The following PCDH19 variants were observed in gnomAD, a reference collection of about 807,000 sequenced individuals.
PCDH19 encodes the protein protocadherin 19, also known as protocadherin-19.
PCDH19 carries 6 observed loss-of-function variants against 46.2 expected under a neutral mutation model. The observed-to-expected ratio is 0.13, with a 90% confidence interval of 0.07 to 0.26. The LOEUF is 0.26. PCDH19 is among the 10% of genes least tolerant of loss of function. The pLI, the probability that PCDH19 is intolerant of heterozygous loss-of-function variation, is 1.00. For missense variants in PCDH19, 740 were observed against 972.3 expected, an observed-to-expected ratio of 0.76 and a Z score of 3.18; for synonymous variants, 481 against 415.7, an observed-to-expected ratio of 1.16 and a Z score of -1.91.
intron 3 of PCDH19, among the ~76,000 whole-genome samples, chrX:100,383,523 A>T (rs1273304216): frequency 2.7e-5 from 3 of 112,502 alleles, no homozygotes; most frequent in Non-Finnish European, 5.6e-5. Context: ...ACCATTAAAT[A>T]GCCAGAAGTA....
chrX:100,313,693 T>C (rs1352836504), intron 5 of PCDH19, among the ~76,000 whole-genome samples: 2 of 111,600 alleles, frequency 1.8e-5, no homozygotes, highest in Non-Finnish European at 3.8e-5. Context: ...CATTTGCTCA[T>C]ATATTAAGAC....
intron 3 of PCDH19, among the ~76,000 whole-genome samples, chrX:100,364,046 G>T: frequency 9.0e-6 from 1 of 111,288 alleles, no homozygotes; most frequent in Middle Eastern, 4.6e-3. Flanking sequence ...CCTTCATCAT[G>T]ATTGAACTGT....
chrX:100,368,290 GGCTCTACTCCCCT>G (rs1927124983), intron 3 of PCDH19, among the ~76,000 whole-genome samples: 1 of 111,178 alleles, frequency 9.0e-6, no homozygotes, highest in African/African-American at 3.3e-5. Flanking sequence ...TCTGAAAACT[GGCTCTACTCCCCT>G]TGTCAAGGAT....
In PCDH19 at chrX:100,322,859, A is replaced by T. The variant is rs867800455; in HGVS notation, c.2848+19044T>A. Among the ~76,000 whole-genome samples the T allele has an allele frequency of 4.0e-3, 174 of 43,651 alleles. 9 individuals are homozygous for T. Among genetic ancestry groups the T allele is most frequent in the African/African-American group, 0.015 (109 of 7,348 alleles). The allele number at this position is 43,651 out of a possible 115,157, so 37.9% of individuals were successfully genotyped here. A position where few individuals can be genotyped will look rare whatever the true frequency, so the allele number is the denominator to read the frequency against. ...TATATATATATATATATATATATAT[A>T]TATATATTTTTGCAGCTATTGTAAA... On this transcript the variant is annotated intron_variant, in intron 5 of 5. Coordinates refer to ENST00000373034, the MANE Select transcript of PCDH19 (RefSeq NM_001184880.2).
At chrX:100,370,211 G>A (rs1018692649) in intron 3 of PCDH19, among the ~76,000 whole-genome samples, 3 of 112,449 alleles carry the variant, frequency 2.7e-5, no homozygotes, top group Non-Finnish European at 5.6e-5. Context: ...ACCAGATCTC[G>A]TGGTAGGGAA....
intron 3 of PCDH19, among the ~76,000 whole-genome samples, chrX:100,365,676 CATCTA>C (rs1483702820): frequency 9.0e-6 from 1 of 111,433 alleles, no homozygotes; most frequent in Non-Finnish European, 1.9e-5. Context: ...CCTTAGAGTT[CATCTA>C]ATCTATTATC....
In PCDH19 at chrX:100,332,506, C is replaced by T. The variant is rs747147902; in HGVS notation, c.2848+9397G>A. Among the ~76,000 whole-genome samples the T allele has an allele frequency of 1.1e-4, 12 of 105,230 alleles. No individual in the cohort carries two copies. In the South Asian group the frequency reaches 3.5e-3, roughly 31 times the overall value. The allele number at this position is 105,230 out of a possible 115,157, so 91.4% of individuals were successfully genotyped here. On this transcript the variant is annotated intron_variant, in intron 5 of 5. Coordinates refer to ENST00000373034, the MANE Select transcript of PCDH19 (RefSeq NM_001184880.2). Reference sequence around the variant, plus strand: ...CATTGTACTCCAGCCTGGAGCAAAACCCCGTCTCAAAAAAAAAAAAAAAAT... The same window carrying T: ...CATTGTACTCCAGCCTGGAGCAAAATCCCGTCTCAAAAAAAAAAAAAAAAT...
At position 100,350,894 on chromosome X, in the gene PCDH19, G is replaced by A. The variant is rs753990545; in HGVS notation, c.2617-190C>T. Among the ~76,000 whole-genome samples, 14 of 112,272 alleles carry A rather than the reference G, an allele frequency of 1.2e-4. 1 individual carries two copies. In the East Asian group the frequency reaches 3.1e-3, roughly 25 times the overall value. On this transcript the variant is annotated intron_variant, in intron 3 of 5. Transcript: ENST00000373034. Reference sequence around the variant, plus strand: ...GGCTCCGTGGAGGCAGCAGCTCCCCGCTGCAGACCAGGGCGGCCTTGGCAC... The same window carrying A: ...GGCTCCGTGGAGGCAGCAGCTCCCCACTGCAGACCAGGGCGGCCTTGGCAC...
intron 3 of PCDH19, among the ~76,000 whole-genome samples, chrX:100,389,327 A>G (rs1470453614): frequency 2.7e-5 from 3 of 110,144 alleles, no homozygotes; most frequent in Non-Finnish European, 5.7e-5. Flanking sequence ...GCATTAATTA[A>G]TGAATTAATA....
chrX:100,356,072 C>G (rs1236013627), intron 3 of PCDH19, among the ~76,000 whole-genome samples: 1 of 106,825 alleles, frequency 9.4e-6, no homozygotes, highest in Admixed American at 1.0e-4. Context: ...GGTCACTATA[C>G]CAAGCAAAAA....
intron 5 of PCDH19, among the ~76,000 whole-genome samples, chrX:100,309,181 C>CACACACACACACACACA (rs1569287919): frequency 4.6e-5 from 5 of 109,796 alleles, no homozygotes; most frequent in African/African-American, 9.9e-5. Context: ...CACACACACA[C>CACACACACACACACACA]CATGGAAATA....
intron 3 of PCDH19, among the ~76,000 whole-genome samples, chrX:100,358,838 T>C (rs897826751): frequency 8.9e-6 from 1 of 111,979 alleles, no homozygotes. Flanking sequence ...GCAAATAAAA[T>C]GAAAAATTCA....
chrX:100,320,672 G>T (rs934892384), intron 5 of PCDH19, among the ~76,000 whole-genome samples: 1 of 109,512 alleles, frequency 9.1e-6, no homozygotes, highest in East Asian at 2.9e-4. Flanking sequence ...TAAAACTTTT[G>T]AAAACATCCT....
Position 100,407,274 on chromosome X carries a change from G to C in PCDH19, c.1324C>G (p.Leu442Val). The change falls in exon 1 of 6, where the codon CTC becomes GTC. Residue 442 changes from leucine to valine, a missense_variant. Around this residue, in one of 5 missense-constraint regions of PCDH19, gnomAD observed 186 missense variants for 319.9 expected, o/e 0.58. Transcript: ENST00000373034. ...TGGTTGTCATTTTCGTCAGTGATGAGCACGGTAAAGGACTTGGCACTCTGC... is the reference window on the plus strand; with the variant it reads ...TGGTTGTCATTTTCGTCAGTGATGACCACGGTAAAGGACTTGGCACTCTGC... ...MLQSAKSFTVLITDENDNHPH... is the reference protein window; with the variant it reads ...MLQSAKSFTVVITDENDNHPH... The C allele has an allele frequency of 8.3e-7, 1 of 1,212,017 alleles. No individual in the cohort carries two copies. The highest frequency in any genetic ancestry group is 1.8e-5 in the South Asian group (1 of 56,983).
rs777190334 is a variant in PCDH19, at chrX:100,402,862, G to C, written c.2289-11C>G. 9.4e-6 allele frequency: 11 copies of C among 1,172,560 alleles called. No individual in the cohort carries two copies. Among genetic ancestry groups the C allele is most frequent in the Admixed American group, 8.8e-5 (4 of 45,654 alleles). ...GAGTACTCAGCAATTCTATGTGACA[G>C]AAAAGGCAGCATGAATCACTAACAC... On this transcript the variant is annotated splice_polypyrimidine_tract_variant and intron_variant, in intron 2 of 5. Transcript: ENST00000373034.
chrX:100,303,681 C>T (rs944786546), intron 5 of PCDH19, among the ~76,000 whole-genome samples: 27 of 112,265 alleles, frequency 2.4e-4, no homozygotes, highest in African/African-American at 8.7e-4. Flanking sequence ...TGACAAGAAG[C>T]ACATCACAAA....
chrX:100,383,921 C>G (rs924807347), intron 3 of PCDH19, among the ~76,000 whole-genome samples: 2 of 111,663 alleles, frequency 1.8e-5, no homozygotes, highest in Non-Finnish European at 3.8e-5. Flanking sequence ...GGCCTAGTCT[C>G]TATAAAAACT....
rs1402645764 is a variant in PCDH19, at chrX:100,296,511, G to C, written c.3213C>G (p.Leu1071=). 1.7e-6 allele frequency: 2 copies of C among 1,211,244 alleles called. No homozygotes were observed. The highest frequency in any genetic ancestry group is 4.3e-5 in the Admixed American group (2 of 46,028). Reference sequence around the variant, plus strand: ...AAGGCTTGGTGGGCAGAGAGCTCTTGAGGTGGAGGGGGGAGGTGACAGGGC... The same window carrying C: ...AAGGCTTGGTGGGCAGAGAGCTCTTCAGGTGGAGGGGGGAGGTGACAGGGC... ...AISPVTSPLH[L]KSSLPTKPSV... The change falls in exon 6 of 6, where the codon CTC becomes CTG. Residue 1071 remains leucine, a synonymous_variant. Transcript: ENST00000373034.
intron 3 of PCDH19, among the ~76,000 whole-genome samples, chrX:100,384,879 C>T (rs1927663207): frequency 9.0e-6 from 1 of 111,455 alleles, no homozygotes; most frequent in African/African-American, 3.3e-5. Context: ...TACTCCCAGG[C>T]CGGGCCCGGT....
Sources: gnomAD v4.1 joint callset for allele counts (sites outside exome capture counted in the v4.1 genomes callset) on GRCh38, gnomAD v4.1.1 for gene constraint, gnomAD v4.1.1 regional missense constraint, MANE v1.5 for transcripts, NCBI Gene and HGNC (gene_info 2026-07-23, HGNC 2026-07-21) for gene names.